POTEH: variants seen among roughly 807,000 people sequenced by gnomAD.
POTEH encodes the protein POTE ankyrin domain family member H, also known as ANKRD26-like family C member 3.
In POTEH, 6 loss-of-function variants were observed where a neutral mutation model predicts 41.7. The ratio of observed to expected loss-of-function variants is 0.14; its 90% CI spans 0.08 to 0.28. The LOEUF (loss-of-function observed/expected upper bound fraction) is 0.28, where lower values mean the gene tolerates loss of function less well. Ranked by LOEUF, POTEH falls within the 10% of genes least tolerant of loss-of-function variation. The pLI is 1.00. For missense variants in POTEH, 115 were observed against 533.5 expected (o/e 0.22, Z 7.73); for synonymous variants, 38 against 179.9 (o/e 0.21, Z 6.31).
At chr22:15,705,353 CTTT>C (rs377062560) in intron 6 of POTEH, among the ~76,000 whole-genome samples, 820 of 13,648 alleles carry the variant, frequency 0.06, 2 homozygotes, top group East Asian at 0.26. Context: ...ATATGTTGGC[CTTT>C]TTTTTTTTTT....
rs1989287467 is a variant in POTEH at position 15,690,798 on chromosome 22, C to A, written c.632+89C>A. On this transcript the variant is annotated intron_variant, in intron 1 of 10. Transcript: ENST00000343518. ...CCGGGGAGGAGGGGAGCCTGGTTTT[C>A]TTGCCTCCACAGGCCTCACACCACC... is the stretch of plus-strand genomic sequence containing the variant. The A allele has an allele frequency of 2.9e-6, 4 of 1,380,364 alleles. 1 individual carries two copies. The highest frequency in any genetic ancestry group is 4.0e-6 in the Non-Finnish European group (4 of 997,736). The allele number at this position is 1,380,364 out of a possible 1,614,324, so 85.5% of individuals were successfully genotyped here. A position where few individuals can be genotyped will look rare whatever the true frequency, so the allele number is the denominator to read the frequency against.
chr22:15,697,154 CT>C (rs1989448194), intron 3 of POTEH, among the ~76,000 whole-genome samples: 18 of 146,260 alleles, frequency 1.2e-4, no homozygotes, highest in Admixed American at 1.2e-3. Context: ...TAATGAGCCC[CT>C]GTCTCTAAAA....
chr22:15,691,981 G>GAGATATAT (rs1989326565), intron 1 of POTEH, among the ~76,000 whole-genome samples: 1 of 123,046 alleles, frequency 8.1e-6, no homozygotes, highest in Non-Finnish European at 1.7e-5. Context: ...TACATATGCA[G>GAGATATAT]ATACATATAT....
chr22:15,698,107 GTAACAATCTGGGAAAGTTAAA>G (rs1989471140), intron 3 of POTEH, among the ~76,000 whole-genome samples: 1 of 124,846 alleles, frequency 8.0e-6, no homozygotes, highest in Non-Finnish European at 1.6e-5. Flanking sequence ...TGATTATTTA[GTAACAATCTGGGAAAGTTAAA>G]TATAAATAGA....
intron 1 of POTEH, among the ~76,000 whole-genome samples, chr22:15,691,196 T>C (rs1989299891): frequency 7.1e-6 from 1 of 140,152 alleles, no homozygotes; most frequent in Non-Finnish European, 1.6e-5. Context: ...AGATGGTTCT[T>C]GTGCTTGAAT....
At chr22:15,713,249 T>C (rs1451032079) in intron 9 of POTEH, among the ~76,000 whole-genome samples, 4 of 151,466 alleles carry the variant, frequency 2.6e-5, no homozygotes, top group Non-Finnish European at 3.0e-5. Flanking sequence ...TATCACTACT[T>C]TTTTCTGTAA....
intron 4 of POTEH, chr22:15,699,702 A>C: frequency 4.6e-6 from 1 of 219,094 alleles, no homozygotes; most frequent in Non-Finnish European, 8.3e-6. Flanking sequence ...GAGAGCTCTT[A>C]GTTATTTTAC....
intron 1 of POTEH, among the ~76,000 whole-genome samples, chr22:15,692,009 A>AAAAC (rs1409431481): frequency 7.8e-6 from 1 of 128,590 alleles, no homozygotes; most frequent in Non-Finnish European, 1.7e-5. Context: ...TATATATATA[A>AAAAC]ATTTCTTTTT....
At chr22:15,708,585 A>G (rs1267832915) in intron 7 of POTEH, among the ~76,000 whole-genome samples, 2 of 144,264 alleles carry the variant, frequency 1.4e-5, no homozygotes, top group Non-Finnish European at 3.0e-5. Flanking sequence ...AAATTCAGCA[A>G]CCTTATTAAA....
rs1989309107 is a variant in POTEH at position 15,691,506 on chromosome 22, A to T, written c.632+797A>T. On this transcript the variant is annotated intron_variant, in intron 1 of 10. Transcript: ENST00000343518. The stretch of plus-strand genomic sequence containing the variant: ...ACGCCACTGTAGTAGAGCCTGGGAG[A>T]CAGAGCAAGACTCCGTCTCAAAAAA... Among the ~76,000 whole-genome samples the T allele has an allele frequency of 1.7e-5, 2 of 115,852 alleles. 1 individual carries two copies. The highest frequency in any genetic ancestry group is 3.9e-5 in the Non-Finnish European group (2 of 50,982). The allele number at this position is 115,852 out of a possible 152,430, so 76.0% of individuals were successfully genotyped here. A position where few individuals can be genotyped will look rare whatever the true frequency, so the allele number is the denominator to read the frequency against.
Position 15,717,103 on chromosome 22 carries a change from T to C in POTEH, c.1521-2557T>C, listed in dbSNP as rs527636155. On this transcript the variant is annotated intron_variant, in intron 9 of 10. Coordinates refer to ENST00000343518, the MANE Select transcript of POTEH (RefSeq NM_001136213.1). ...GTATGTACATACGTATATGTGTGAG[T>C]GTATATACACACATACGTATATGTG... Among the ~76,000 whole-genome samples, 17 of 86,846 alleles carry C rather than the reference T, an allele frequency of 2.0e-4. 4 individuals carry two copies. The highest frequency in any genetic ancestry group is 3.5e-4 in the Non-Finnish European group (14 of 39,826). 57.0% of individuals were successfully genotyped at this position (86,846 alleles called of 152,430 possible). A position where few individuals can be genotyped will look rare whatever the true frequency, so the allele number is the denominator to read the frequency against.
chr22:15,708,539 A>T (rs1403684575), intron 7 of POTEH, among the ~76,000 whole-genome samples: 1 of 124,096 alleles, frequency 8.1e-6, no homozygotes, highest in Non-Finnish European at 1.6e-5. Context: ...AAAAAAAAAA[A>T]AAATATTTTA....
At position 15,719,783 on chromosome 22, in the gene POTEH, TTA is replaced by T. The variant is rs1989989777; in HGVS notation, c.*1+6_*1+7del. 4.3e-6 allele frequency: 2 copies of T among 466,492 alleles called. No homozygotes were observed. The highest frequency in any genetic ancestry group is 7.3e-6 in the Non-Finnish European group (2 of 275,152). The allele number at this position is 466,492 out of a possible 1,614,324, so 28.9% of individuals were successfully genotyped here. A position where few individuals can be genotyped will look rare whatever the true frequency, so the allele number is the denominator to read the frequency against. On this transcript the variant is annotated splice_donor_region_variant and intron_variant, in intron 10 of 10. Coordinates refer to ENST00000343518, the MANE Select transcript of POTEH (RefSeq NM_001136213.1). ...TGGCTGAAAATGAATTCTGAGGTAT[TTA>T]GTTATTTTCAAATGTTTTTATATGT...
At chr22:15,713,631 C>A (rs1989866480) in intron 9 of POTEH, among the ~76,000 whole-genome samples, 1 of 152,272 alleles carries the variant, frequency 6.6e-6, no homozygotes, top group Non-Finnish European at 1.5e-5. Flanking sequence ...TCCTGAGTAG[C>A]TGGGATTACA....
chr22:15,700,948 TC>T (rs1393031623), intron 5 of POTEH: 2 of 41,212 alleles, frequency 4.9e-5, no homozygotes, highest in African/African-American at 1.1e-4. Context: ...AATTGACCCT[TC>T]CCCCCATATT....
chr22:15,711,725 C>T (rs1989830539), intron 9 of POTEH, among the ~76,000 whole-genome samples: 1 of 149,606 alleles, frequency 6.7e-6, no homozygotes, highest in Admixed American at 6.6e-5. Context: ...TACATACATA[C>T]TTACATATAA....
chr22:15,710,752 GA>G lies in POTEH; in HGVS notation c.1354-113del, dbSNP rs1241540265. ...TGTGTATATGATCCAATTTAAGAGT[GA>G]AATGTTTTTAATGACTAAAATAATG... On this transcript the variant is annotated intron_variant, in intron 8 of 10. Coordinates refer to ENST00000343518, the MANE Select transcript of POTEH (RefSeq NM_001136213.1). 8.1e-5 allele frequency: 125 copies of G among 1,547,216 alleles called. No homozygotes were observed. In the African/African-American group the frequency reaches 1.5e-3, roughly 19 times the overall value.
intron 9 of POTEH, among the ~76,000 whole-genome samples, chr22:15,714,422 C>G (rs1989888461): frequency 6.6e-6 from 1 of 152,098 alleles, no homozygotes; most frequent in Admixed American, 6.5e-5. Context: ...AGTCAACCAT[C>G]TGGCATGTTA....
Position 15,708,203 on chromosome 22 carries a change from G to T in POTEH, c.1308+113G>T, listed in dbSNP as rs1211133870. 3 of 355,392 alleles carry T rather than the reference G, an allele frequency of 8.4e-6. 1 individual carries two copies. The highest frequency in any genetic ancestry group is 1.1e-5 in the Non-Finnish European group (3 of 273,680). The allele number at this position is 355,392 out of a possible 1,614,324, so 22.0% of individuals were successfully genotyped here. On this transcript the variant is annotated intron_variant, in intron 7 of 10. Transcript: ENST00000343518. Reference sequence around the variant, plus strand: ...AATTACTTTTGAGACTAGGCTTTGAGAATCAATAGATTCTTTTTTTAAGAA... The same window carrying T: ...AATTACTTTTGAGACTAGGCTTTGATAATCAATAGATTCTTTTTTTAAGAA...
Sources: gnomAD v4.1 joint callset for allele counts (sites outside exome capture counted in the v4.1 genomes callset) on GRCh38, gnomAD v4.1.1 for gene constraint, MANE v1.5 for transcripts, NCBI Gene and HGNC (gene_info 2026-07-23, HGNC 2026-07-21) for gene names.